PRIM2: variants seen among roughly 807,000 people sequenced by gnomAD.
PRIM2 encodes DNA primase subunit 2.
In PRIM2, 39 loss-of-function variants were observed where a neutral mutation model predicts 67.3. The observed-to-expected ratio is 0.58, with a 90% confidence interval of 0.45 to 0.76. PRIM2 has a LOEUF of 0.76. Ranked by LOEUF, PRIM2 falls within the 30% of genes least tolerant of loss-of-function variation. The pLI, the probability that PRIM2 is intolerant of heterozygous loss-of-function variation, is 0.00. For missense variants in PRIM2, 398 were observed against 598.7 expected, an observed-to-expected ratio of 0.66 and a Z score of 3.50; for synonymous variants, 143 against 198.7, an observed-to-expected ratio of 0.72 and a Z score of 2.36.
At chr6:57,585,093 T>C (rs1776164817) in intron 10 of PRIM2, among the ~76,000 whole-genome samples, 1 of 152,220 alleles carries the variant, frequency 6.6e-6, no homozygotes, top group Non-Finnish European at 1.5e-5. Context: ...AGACTTCAAA[T>C]TGCTTAACTG....
rs1172341697 is a variant in PRIM2, at chr6:57,490,001, C to T, written c.694-17386C>T. On this transcript the variant is annotated intron_variant, in intron 7 of 13. Coordinates refer to ENST00000615550, the MANE Select transcript of PRIM2 (RefSeq NM_000947.5). ...TCCAATTGCTTTGAGACAATGATTG[C>T]CTGCCCCTTGCCACAGAAGTTGGTG... 2.6e-4 allele frequency among the ~76,000 whole-genome samples: 39 copies of T among 148,524 alleles called. 1 individual carries two copies. The South Asian group carries it at 7.7e-3, about 29-fold the overall frequency.
At chr6:57,329,475 C>G (rs1767980621) in intron 5 of PRIM2, among the ~76,000 whole-genome samples, 2 of 152,062 alleles carry the variant, frequency 1.3e-5, no homozygotes, top group Admixed American at 6.5e-5. Context: ...TGTCCCCACC[C>G]AAATCTCATC....
intron 10 of PRIM2, among the ~76,000 whole-genome samples, chr6:57,590,384 A>G (rs1453039188): frequency 2.6e-5 from 4 of 152,226 alleles, no homozygotes; most frequent in African/African-American, 9.6e-5. Context: ...AAAAGCTGCA[A>G]TAGAAGAAGG....
chr6:57,613,091 C>CT lies in PRIM2; in HGVS notation c.1230+6642dup, dbSNP rs1396867230. Among the ~76,000 whole-genome samples the CT allele has an allele frequency of 6.6e-5, 10 of 151,582 alleles. No individual in the cohort carries two copies. In the East Asian group the frequency reaches 1.4e-3, roughly 21 times the overall value. Reference sequence around the variant, plus strand: ...ATTATAGACATGAACCACTTAATTTCTTTTTTTTAATGGGGGGAGAAAGAA... The same window carrying CT: ...ATTATAGACATGAACCACTTAATTTCTTTTTTTTTAATGGGGGGAGAAAGAA... On this transcript the variant is annotated intron_variant, in intron 12 of 13. Transcript: ENST00000615550.
chr6:57,639,185 A>G (rs1310952964), intron 13 of PRIM2, among the ~76,000 whole-genome samples: 1 of 152,222 alleles, frequency 6.6e-6, no homozygotes, highest in African/African-American at 2.4e-5. Context: ...GGCAGAAATA[A>G]ATAAGTTCTT....
At chr6:57,457,081 C>T (rs1396299755) in intron 7 of PRIM2, among the ~76,000 whole-genome samples, 1 of 152,206 alleles carries the variant, frequency 6.6e-6, no homozygotes, top group Non-Finnish European at 1.5e-5. Context: ...TGGGTATCAG[C>T]AGCAGAAGCT....
At chr6:57,290,461 G>A in the PRIM2 span, among the ~76,000 whole-genome samples, 1 of 152,078 alleles carries the variant, frequency 6.6e-6, no homozygotes, top group South Asian at 2.1e-4. Context: ...CAGAAGGTTA[G>A]CAAGGATATC....
chr6:57,594,390 CACTT>C (rs1582010237), intron 10 of PRIM2, among the ~76,000 whole-genome samples: 2 of 152,146 alleles, frequency 1.3e-5, no homozygotes, highest in South Asian at 4.1e-4. Flanking sequence ...AAGTAGGACT[CACTT>C]ACCTTTGAAA....
intron 12 of PRIM2, among the ~76,000 whole-genome samples, chr6:57,618,040 A>G (rs1247667979): frequency 6.6e-6 from 1 of 152,162 alleles, no homozygotes; most frequent in African/African-American, 2.4e-5. Flanking sequence ...ACTCATTTGG[A>G]CATAGATGTA....
At chr6:57,577,178 G>GT (rs1775978829) in intron 10 of PRIM2, among the ~76,000 whole-genome samples, 1 of 152,148 alleles carries the variant, frequency 6.6e-6, no homozygotes, top group South Asian at 2.1e-4. Flanking sequence ...GATTACTTGT[G>GT]TTTCTTGGGT....
At chr6:57,272,114 G>T in the PRIM2 span, among the ~76,000 whole-genome samples, 1 of 152,160 alleles carries the variant, frequency 6.6e-6, no homozygotes, top group East Asian at 1.9e-4. Context: ...ATTGATTTGG[G>T]GTGGAGAGTT....
intron 5 of PRIM2, among the ~76,000 whole-genome samples, chr6:57,349,675 G>A (rs1489833368): frequency 6.6e-6 from 1 of 151,940 alleles, no homozygotes. Flanking sequence ...ACATTCTTGC[G>A]TGTAGTATTA....
intron 5 of PRIM2, among the ~76,000 whole-genome samples, chr6:57,338,334 G>T (rs1320030552): frequency 6.6e-6 from 1 of 152,122 alleles, no homozygotes; most frequent in Non-Finnish European, 1.5e-5. Flanking sequence ...TAGAAAAAGA[G>T]GGAATCCTCC....
chr6:57,640,423 A>G (rs1777209809), intron 13 of PRIM2, among the ~76,000 whole-genome samples: 1 of 152,184 alleles, frequency 6.6e-6, no homozygotes, highest in African/African-American at 2.4e-5. Flanking sequence ...AGGGTATTCA[A>G]ATAGGAAGAG....
rs1285773944 is a variant in PRIM2 at position 57,448,257 on chromosome 6, T to C, written c.694-59130T>C. 2.0e-5 allele frequency among the ~76,000 whole-genome samples: 3 copies of C among 152,160 alleles called. No individual in the cohort carries two copies. The East Asian group carries it at 5.8e-4, about 29-fold the overall frequency. On this transcript the variant is annotated intron_variant, in intron 7 of 13. Transcript: ENST00000615550. ...CCATTTTTATAAGATATTTTAATTTTCAAATCAGCAAGGATTTCACAGTAA... is the reference window on the plus strand; with the variant it reads ...CCATTTTTATAAGATATTTTAATTTCCAAATCAGCAAGGATTTCACAGTAA...
the PRIM2 span, among the ~76,000 whole-genome samples, chr6:57,253,159 CTCCTCAATT>C: frequency 6.6e-6 from 1 of 151,232 alleles, no homozygotes; most frequent in Non-Finnish European, 1.5e-5. Context: ...TCAGGATCCC[CTCCTCAATT>C]TCCTAAGAAA....
chr6:57,408,038 A>G (rs1341825253), intron 7 of PRIM2, among the ~76,000 whole-genome samples: 1 of 152,238 alleles, frequency 6.6e-6, no homozygotes, highest in Non-Finnish European at 1.5e-5. Flanking sequence ...ATCTTTAATG[A>G]TGTTACTCTC....
chr6:57,468,399 G>A (rs1458294320), intron 7 of PRIM2, among the ~76,000 whole-genome samples: 4 of 152,118 alleles, frequency 2.6e-5, no homozygotes, highest in Non-Finnish European at 4.4e-5. Context: ...TGTGGTTTTT[G>A]TCTTTGGTTC....
chr6:57,503,772 A>T (rs1298826046), intron 7 of PRIM2, among the ~76,000 whole-genome samples: 1 of 151,608 alleles, frequency 6.6e-6, no homozygotes, highest in East Asian at 1.9e-4. Context: ...AAAAAGAAGG[A>T]ACTATGTTGT....
Sources: allele counts gnomAD v4.1 joint callset (sites outside exome capture counted in the v4.1 genomes callset), GRCh38; gene constraint gnomAD v4.1.1; transcripts MANE v1.5; gene names NCBI Gene and HGNC (gene_info 2026-07-23, HGNC 2026-07-21).